Variants in ZFPM2 observed in about 807,000 individuals in gnomAD.
The protein encoded by ZFPM2 is zinc finger protein, FOG family member 2.
ZFPM2 carries 20 observed loss-of-function variants against 98.6 expected under a neutral mutation model. That is an observed-to-expected ratio of 0.20 (90% CI 0.14 to 0.29). The LOEUF (loss-of-function observed/expected upper bound fraction) is 0.29. Ranked by LOEUF, ZFPM2 falls within the 10% of genes least tolerant of loss-of-function variation. The probability of loss-of-function intolerance (pLI) is 1.00; values close to 1 mark genes in which losing one functional copy is unlikely to be tolerated. For missense variants in ZFPM2, 1,310 were observed against 1,388.6 expected (o/e 0.94, Z 0.90); for synonymous variants, 518 against 502.7 (o/e 1.03, Z -0.41).
intron 5 of ZFPM2, among the ~76,000 whole-genome samples, chr8:105,658,959 A>G (rs1342428029): frequency 6.6e-5 from 10 of 152,342 alleles, no homozygotes; most frequent in South Asian, 2.1e-4. Flanking sequence ...AGGTAAAACA[A>G]TTATTTAAAG....
chr8:105,623,337 C>A (rs1449949404), intron 4 of ZFPM2, among the ~76,000 whole-genome samples: 1 of 151,992 alleles, frequency 6.6e-6, no homozygotes, highest in Non-Finnish European at 1.5e-5. Context: ...TCTAGTTTTG[C>A]CATAGACTTC....
intron 3 of ZFPM2, among the ~76,000 whole-genome samples, chr8:105,540,256 T>C (rs1261970654): frequency 6.6e-6 from 1 of 152,248 alleles, no homozygotes; most frequent in East Asian, 1.9e-4. Context: ...TGTTGGAGGA[T>C]GTTAAGCAAG....
At chr8:105,665,649 T>G (rs1817475440) in intron 5 of ZFPM2, among the ~76,000 whole-genome samples, 1 of 152,332 alleles carries the variant, frequency 6.6e-6, no homozygotes, top group African/African-American at 2.4e-5. Flanking sequence ...TTTGTTTCAC[T>G]TCTGACGTAG....
intron 5 of ZFPM2, among the ~76,000 whole-genome samples, chr8:105,640,243 TA>T (rs1227195230): frequency 6.6e-6 from 1 of 152,088 alleles, no homozygotes; most frequent in Admixed American, 6.6e-5. Context: ...TGCCATTTAC[TA>T]AGCCAAGGTT....
At chr8:105,726,135 C>T (rs539914528) in intron 5 of ZFPM2, among the ~76,000 whole-genome samples, 1 of 151,804 alleles carries the variant, frequency 6.6e-6, no homozygotes, top group Non-Finnish European at 1.5e-5. Flanking sequence ...GAAATTCCAT[C>T]GAAATGCTGG....
At chr8:105,788,975 G>A in intron 6 of ZFPM2, 51 bp downstream of exon 6, 1 of 1,443,250 alleles carries the variant, frequency 6.9e-7, no homozygotes. Context: ...GGGAATTTAT[G>A]GGAGAAAAAA....
chr8:105,396,367 C>A lies in ZFPM2; in HGVS notation c.41-22777C>A, dbSNP rs1391943294. 1.3e-4 allele frequency among the ~76,000 whole-genome samples: 20 copies of A among 152,168 alleles called. 1 individual carries two copies. Among genetic ancestry groups the A allele is most frequent in the Admixed American group, 1.3e-3 (20 of 15,266 alleles). On this transcript the variant is annotated intron_variant, in intron 1 of 7. Coordinates refer to ENST00000407775, the MANE Select transcript of ZFPM2 (RefSeq NM_012082.4). ...ATGTTTGATGGAGTGTGAGTACCTG[C>A]CTTTCTCTGGCCTGATGGGAGTGAA...
chr8:105,387,390 C>T (rs571022299), intron 1 of ZFPM2: 47 of 158,188 alleles, frequency 3.0e-4, no homozygotes, highest in South Asian at 1.4e-3. Flanking sequence ...CGGCAGCGCT[C>T]GTCGGGGAGG....
intron 3 of ZFPM2, among the ~76,000 whole-genome samples, chr8:105,452,963 T>A (rs1009072391): frequency 1.3e-5 from 2 of 152,140 alleles, no homozygotes; most frequent in African/African-American, 4.8e-5. Flanking sequence ...TGTCTGGTTT[T>A]AAAAATAACT....
chr8:105,791,136 G>A (rs1202822570), intron 6 of ZFPM2, among the ~76,000 whole-genome samples: 1 of 152,164 alleles, frequency 6.6e-6, no homozygotes. Context: ...TGTTGAATAG[G>A]AGTGGTGAGA....
intron 1 of ZFPM2, among the ~76,000 whole-genome samples, chr8:105,382,472 A>C (rs1176699941): frequency 6.6e-6 from 1 of 152,038 alleles, no homozygotes; most frequent in Non-Finnish European, 1.5e-5. Flanking sequence ...TTATTTTCTT[A>C]TTCCATGTTA....
chr8:105,366,998 T>C (rs1469244386), intron 1 of ZFPM2, among the ~76,000 whole-genome samples: 13 of 140,722 alleles, frequency 9.2e-5, no homozygotes, highest in Non-Finnish European at 1.8e-4. Flanking sequence ...TCCCCATTGC[T>C]TGTTTTTGTC....
chr8:105,322,695 G>A (rs960902209), intron 1 of ZFPM2, among the ~76,000 whole-genome samples: 2 of 152,076 alleles, frequency 1.3e-5, no homozygotes, highest in African/African-American at 2.4e-5. Context: ...TAATGAAAGG[G>A]TGAATTAAGA....
At chr8:105,602,437 G>A (rs1327845726) in intron 4 of ZFPM2, among the ~76,000 whole-genome samples, 1 of 152,040 alleles carries the variant, frequency 6.6e-6, no homozygotes, top group Non-Finnish European at 1.5e-5. Context: ...GTTAAATGAA[G>A]CCGAATTATA....
intron 5 of ZFPM2, among the ~76,000 whole-genome samples, chr8:105,779,402 C>T (rs1813191045): frequency 6.6e-6 from 1 of 152,146 alleles, no homozygotes; most frequent in Admixed American, 6.5e-5. Context: ...GTCTATCAAT[C>T]ACACAGATAA....
intron 5 of ZFPM2, among the ~76,000 whole-genome samples, chr8:105,734,627 C>G (rs984943066): frequency 6.6e-6 from 1 of 151,874 alleles, no homozygotes; most frequent in Non-Finnish European, 1.5e-5. Context: ...TATTTGACTC[C>G]TATACTGTGG....
chr8:105,635,612 A>T (rs949646330), intron 5 of ZFPM2, among the ~76,000 whole-genome samples: 2 of 152,214 alleles, frequency 1.3e-5, no homozygotes, highest in African/African-American at 4.8e-5. Flanking sequence ...TTCTCAGGAT[A>T]TGCCAATATA....
In ZFPM2 at chr8:105,789,192, G is replaced by A. The variant is rs555980916; in HGVS notation, c.739+268G>A. On this transcript the variant is annotated intron_variant, in intron 6 of 7. Transcript: ENST00000407775. ...GCTGGTGCGCGGCACCCACTAACTC[G>A]TCATCTAGCATTGGGTATATCTCCC... Among the ~76,000 whole-genome samples, 346 of 151,818 alleles carry A rather than the reference G, an allele frequency of 2.3e-3. 1 individual carries two copies. Among genetic ancestry groups the A allele is most frequent in the African/African-American group, 8.0e-3 (330 of 41,364 alleles).
intron 5 of ZFPM2, among the ~76,000 whole-genome samples, chr8:105,634,808 G>A (rs564738814): frequency 6.6e-6 from 1 of 152,258 alleles, no homozygotes; most frequent in East Asian, 1.9e-4. Context: ...GAGGATAGCT[G>A]GAAATGAAAC....
Sources: allele counts gnomAD v4.1 joint callset (sites outside exome capture counted in the v4.1 genomes callset), GRCh38; gene constraint gnomAD v4.1.1; transcripts MANE v1.5; gene names NCBI Gene and HGNC (gene_info 2026-07-23, HGNC 2026-07-21).